Variants in TSGA10 observed in about 807,000 individuals in gnomAD.
The protein encoded by TSGA10 is testis specific 10, also known as testis-specific gene 10 protein.
In TSGA10, 43 loss-of-function variants were observed where a neutral mutation model predicts 96.6. That is an observed-to-expected ratio of 0.44 (90% confidence interval 0.35 to 0.57). The LOEUF (loss-of-function observed/expected upper bound fraction) is 0.57, where lower values mean the gene tolerates loss of function less well. Among genes scored for constraint, TSGA10 ranks in the 20% least tolerant of loss-of-function variants. The pLI, the probability that TSGA10 is intolerant of heterozygous loss-of-function variation, is 0.01. For synonymous variants in TSGA10, 229 were observed against 269.9 expected (o/e 0.85, Z 1.48); for missense variants, 703 against 834.4 (o/e 0.84, Z 1.94).
rs2093733519 is a variant in TSGA10, at chr2:99,154,905, C to G, written c.-833G>C. 4.7e-6 allele frequency: 2 copies of G among 424,948 alleles called. No individual in the cohort carries two copies. Among genetic ancestry groups the G allele is most frequent in the Admixed American group, 5.2e-5 (2 of 38,624 alleles). 26.3% of individuals were successfully genotyped at this position (424,948 alleles called of 1,614,324 possible). On this transcript the variant is annotated 5_prime_UTR_variant, in exon 1 of 21. Transcript: ENST00000393483. ...GGAGAGACTAGGCGCGATCCCTGCG[C>G]GCCCCTCCTTCTCTTGCGCTTCAGG...
chr2:99,111,552 T>C (rs566942391), intron 4 of TSGA10, among the ~76,000 whole-genome samples: 1 of 152,304 alleles, frequency 6.6e-6, no homozygotes, highest in African/African-American at 2.4e-5. Flanking sequence ...ATCCTGATCT[T>C]GCCTACTACA....
intron 1 of TSGA10, chr2:99,141,344 C>T (rs1310671962): frequency 8.9e-6 from 2 of 224,494 alleles, no homozygotes; most frequent in South Asian, 4.4e-5. Context: ...CGCTCTGTAC[C>T]GGAGTGGGGC....
chr2:99,143,388 T>C (rs1047077145), intron 1 of TSGA10, among the ~76,000 whole-genome samples: 9 of 151,754 alleles, frequency 5.9e-5, no homozygotes, highest in Admixed American at 4.6e-4. Context: ...CTTGATCTCC[T>C]GACCTCATGA....
At chr2:99,147,558 T>G in intron 1 of TSGA10, 1 of 1,331,498 alleles carries the variant, frequency 7.5e-7, no homozygotes. Flanking sequence ...TTTATTAGAT[T>G]GAAGTTTAAT....
chr2:99,049,751 A>AG (rs1174087975), intron 16 of TSGA10, among the ~76,000 whole-genome samples: 5 of 147,956 alleles, frequency 3.4e-5, no homozygotes, highest in Non-Finnish European at 7.4e-5. Flanking sequence ...AAAAAAAAAA[A>AG]GAAAAATACA....
rs188955126 is a variant in TSGA10, at chr2:99,053,802, A to C, written c.1404+11137T>G. Among the ~76,000 whole-genome samples, 769 of 152,304 alleles carry C rather than the reference A, an allele frequency of 5.0e-3. 2 individuals carry two copies. Among genetic ancestry groups the C allele is most frequent in the Admixed American group, 9.5e-3 (145 of 15,296 alleles). ...TGGAAATCAATAAAATCAATAAAAC[A>C]ATCCCATTTATAATAGCATAAGAAA... is the stretch of plus-strand genomic sequence containing the variant. On this transcript the variant is annotated intron_variant, in intron 16 of 20. Coordinates refer to ENST00000393483, the MANE Select transcript of TSGA10 (RefSeq NM_025244.4).
At chr2:99,095,996 C>G (rs563775880) in intron 10 of TSGA10, among the ~76,000 whole-genome samples, 1 of 152,144 alleles carries the variant, frequency 6.6e-6, no homozygotes, top group Non-Finnish European at 1.5e-5. Flanking sequence ...GACAGCCATG[C>G]AGGACCACAA....
chr2:99,106,804 A>C (rs1368261504), intron 7 of TSGA10, among the ~76,000 whole-genome samples: 1 of 152,008 alleles, frequency 6.6e-6, no homozygotes, highest in Non-Finnish European at 1.5e-5. Context: ...GCTGTCTGTC[A>C]TCTTTGTCTC....
intron 20 of TSGA10, among the ~76,000 whole-genome samples, chr2:99,015,651 C>T (rs542001304): frequency 3.3e-5 from 5 of 152,140 alleles, no homozygotes; most frequent in South Asian, 2.1e-4. Flanking sequence ...CTAGACAGAG[C>T]GATCACACAA....
rs185895888 is a variant in TSGA10, at chr2:99,118,781, C to T, written c.-491-95G>A. 738 of 449,990 alleles carry T rather than the reference C, an allele frequency of 1.6e-3. 5 individuals carry two copies. Among genetic ancestry groups the T allele is most frequent in the Middle Eastern group, 1.1e-3 (1 of 894 alleles). 27.9% of individuals were successfully genotyped at this position (449,990 alleles called of 1,614,324 possible). ...ATACAAAGATAGGTTAGATACCTGCCCTCAGGGAACTCTTTGTTTACTTGA... is the reference window on the plus strand; with the variant it reads ...ATACAAAGATAGGTTAGATACCTGCTCTCAGGGAACTCTTTGTTTACTTGA... On this transcript the variant is annotated intron_variant, in intron 2 of 20. Transcript: ENST00000393483.
chr2:99,101,989 T>C, intron 10 of TSGA10: 3 of 994,924 alleles, frequency 3.0e-6, no homozygotes, highest in Admixed American at 1.8e-5. Flanking sequence ...CATTTAACAA[T>C]ACCGGATTAT....
At chr2:99,091,438 G>A (rs970019552) in intron 10 of TSGA10, among the ~76,000 whole-genome samples, 1 of 152,104 alleles carries the variant, frequency 6.6e-6, no homozygotes, top group Non-Finnish European at 1.5e-5. Flanking sequence ...ACAATGAATA[G>A]AATAGTGTGT....
At chr2:99,010,162 T>A (rs964876833) in intron 20 of TSGA10, among the ~76,000 whole-genome samples, 1 of 152,172 alleles carries the variant, frequency 6.6e-6, no homozygotes, top group Non-Finnish European at 1.5e-5. Flanking sequence ...TGAAAGAAGT[T>A]AATGTAGAAA....
chr2:99,073,288 A>G (rs1301530449), intron 12 of TSGA10, among the ~76,000 whole-genome samples: 1 of 152,232 alleles, frequency 6.6e-6, no homozygotes, highest in Non-Finnish European at 1.5e-5. Flanking sequence ...AGTAAAGGCT[A>G]TACTTAGGTG....
At chr2:99,049,583 G>T (rs1357338264) in intron 16 of TSGA10, among the ~76,000 whole-genome samples, 1 of 152,006 alleles carries the variant, frequency 6.6e-6, no homozygotes, top group Non-Finnish European at 1.5e-5. Flanking sequence ...CCTGTCAGGG[G>T]GTGGGAGGCT....
chr2:99,011,232 A>C (rs1040504574), intron 20 of TSGA10, among the ~76,000 whole-genome samples: 12 of 152,202 alleles, frequency 7.9e-5, no homozygotes, highest in African/African-American at 2.9e-4. Flanking sequence ...ACCCGGGTTC[A>C]AGCGATTCTC....
chr2:99,098,531 G>C (rs1002399307), intron 10 of TSGA10, among the ~76,000 whole-genome samples: 29 of 143,314 alleles, frequency 2.0e-4, no homozygotes, highest in Non-Finnish European at 4.1e-4. Context: ...GAAAATTCAA[G>C]AAAAAAAGAA....
intron 16 of TSGA10, among the ~76,000 whole-genome samples, chr2:99,056,816 CA>C (rs747141525): frequency 0.05 from 3,818 of 75,634 alleles, 100 homozygotes; most frequent in African/African-American, 0.14. Flanking sequence ...CAAAATCCTT[CA>C]AAAAAAAAAA....
In TSGA10 at chr2:99,068,879, A is replaced by G. The variant is rs2085582818; in HGVS notation, c.1218+9T>C. ...GTATCATGAGCAAAAAGAAAAAAAA[A>G]ATACATACTTCAGACTTTAATATAT... is the stretch of plus-strand genomic sequence containing the variant. On this transcript the variant is annotated intron_variant, in intron 15 of 20. Transcript: ENST00000393483. The G allele has an allele frequency of 7.3e-7, 1 of 1,368,888 alleles. No homozygotes were observed. The highest frequency in any genetic ancestry group is 9.7e-7 in the Non-Finnish European group (1 of 1,035,330). 84.8% of individuals were successfully genotyped at this position (1,368,888 alleles called of 1,614,324 possible).
Sources: allele counts gnomAD v4.1 joint callset (sites outside exome capture counted in the v4.1 genomes callset), GRCh38; gene constraint gnomAD v4.1.1; transcripts MANE v1.5; gene names NCBI Gene and HGNC (gene_info 2026-07-23, HGNC 2026-07-21).